Variants in PRKN observed in about 807,000 individuals in gnomAD.
PRKN encodes E3 ubiquitin-protein ligase parkin.
A neutral mutation model predicts 59.5 loss-of-function variants in PRKN; 56 were observed. The observed-to-expected ratio is 0.94, with a 90% CI of 0.76 to 1.18. The LOEUF (loss-of-function observed/expected upper bound fraction) is 1.18, where lower values mean the gene tolerates loss of function less well. Among genes scored for constraint, PRKN ranks in the 50% most tolerant of loss-of-function variants. The pLI, the probability that PRKN is intolerant of heterozygous loss-of-function variation, is 0.00. For missense variants in PRKN, 657 were observed against 596.4 expected (o/e 1.10, Z -1.06); for synonymous variants, 250 against 222.1 (o/e 1.13, Z -1.12).
chr6:162,674,955 G>A (rs1779478481), intron 1 of PRKN, among the ~76,000 whole-genome samples: 1 of 152,166 alleles, frequency 6.6e-6, no homozygotes. Flanking sequence ...TATGGCTAGG[G>A]CAGTGACAAA....
At chr6:161,846,363 T>C (rs972994650) in intron 6 of PRKN, among the ~76,000 whole-genome samples, 2 of 152,188 alleles carry the variant, frequency 1.3e-5, no homozygotes, top group African/African-American at 4.8e-5. Flanking sequence ...TAATAGGCTA[T>C]TTTACATAGA....
intron 4 of PRKN, among the ~76,000 whole-genome samples, chr6:162,082,372 T>C (rs548683030): frequency 1.3e-5 from 2 of 152,146 alleles, no homozygotes; most frequent in South Asian, 4.2e-4. Context: ...TAGTCTCAGG[T>C]ATATCTTTAT....
rs147233694 is a variant in PRKN at position 162,132,411 on chromosome 6, T to C, written c.534+68720A>G. On this transcript the variant is annotated intron_variant, in intron 4 of 11. Coordinates refer to ENST00000366898, the MANE Select transcript of PRKN (RefSeq NM_004562.3). ...AGAGGCAGCAAGGCACACAATAGAA[T>C]ACTCTGCATTCAGAGTCTCCTCCTA... Among the ~76,000 whole-genome samples the C allele has an allele frequency of 3.9e-3, 587 of 152,248 alleles. 5 individuals carry two copies. Among genetic ancestry groups the C allele is most frequent in the African/African-American group, 0.013 (560 of 41,544 alleles).
chr6:161,577,715 T>C (rs1246786416), intron 7 of PRKN, among the ~76,000 whole-genome samples: 1 of 152,216 alleles, frequency 6.6e-6, no homozygotes, highest in African/African-American at 2.4e-5. Flanking sequence ...ATAGCTGTGA[T>C]TTCATAATTT....
chr6:161,456,292 A>T lies in PRKN; in HGVS notation c.1084-69415T>A, dbSNP rs2115143594. Among the ~76,000 whole-genome samples, 1 of 152,308 alleles carries T rather than the reference A, an allele frequency of 6.6e-6. No individual in the cohort carries two copies. The highest frequency in any genetic ancestry group is 2.4e-5 in the African/African-American group (1 of 41,580). On this transcript the variant is annotated intron_variant, in intron 9 of 11. Transcript: ENST00000366898. The surrounding 1 kb of genome is among the most constrained non-coding windows in gnomAD (Gnocchi z 4.8). ...GGGTGTGGAAGGCCTAGACTGGCTG[A>T]GTCTTCCGGCTTTCAAATTTCTCTC... is the stretch of plus-strand genomic sequence containing the variant.
chr6:161,510,393 G>A (rs1002259079), intron 9 of PRKN, among the ~76,000 whole-genome samples: 3 of 152,240 alleles, frequency 2.0e-5, no homozygotes, highest in East Asian at 1.9e-4. Context: ...AAGTGTGACT[G>A]TCCCTGAGGT....
At position 162,322,478 on chromosome 6, in the gene PRKN, C is replaced by A. The variant is rs187642568; in HGVS notation, c.172-59713G>T. 1.9e-3 allele frequency among the ~76,000 whole-genome samples: 296 copies of A among 152,128 alleles called. 3 individuals carry two copies. Among genetic ancestry groups the A allele is most frequent in the Admixed American group, 3.0e-3 (46 of 15,276 alleles). Reference sequence around the variant, plus strand: ...GACAATGCAGAGAACCTGAAACAGGCAAAAACATTTTGAAAATGTAGTACA... The same window carrying A: ...GACAATGCAGAGAACCTGAAACAGGAAAAAACATTTTGAAAATGTAGTACA... On this transcript the variant is annotated intron_variant, in intron 2 of 11. Transcript: ENST00000366898.
At chr6:162,321,764 C>A (rs1783034052) in intron 2 of PRKN, among the ~76,000 whole-genome samples, 1 of 151,860 alleles carries the variant, frequency 6.6e-6, no homozygotes, top group South Asian at 2.1e-4. Context: ...ATATAATACT[C>A]TCATAAGGTT....
chr6:161,531,302 A>C (rs1028654774), intron 9 of PRKN, among the ~76,000 whole-genome samples: 2 of 150,302 alleles, frequency 1.3e-5, no homozygotes, highest in African/African-American at 4.9e-5. Flanking sequence ...AATGGCGTGA[A>C]CCCGGGAGGC....
At chr6:162,339,156 T>C (rs1784010217) in intron 2 of PRKN, among the ~76,000 whole-genome samples, 1 of 142,492 alleles carries the variant, frequency 7.0e-6, no homozygotes, top group Middle Eastern at 4.4e-3. Flanking sequence ...GTCTGAGAAG[T>C]GAGGAGCCTC....
At chr6:162,076,237 G>C (rs1778822643) in intron 4 of PRKN, among the ~76,000 whole-genome samples, 1 of 152,074 alleles carries the variant, frequency 6.6e-6, no homozygotes, top group Non-Finnish European at 1.5e-5. Context: ...CCAAAGTGCT[G>C]GGATTACAGG....
At position 162,006,304 on chromosome 6, in the gene PRKN, C is replaced by A. The variant is rs546565287; in HGVS notation, c.619-32887G>T. Among the ~76,000 whole-genome samples the A allele has an allele frequency of 5.9e-5, 9 of 152,266 alleles. No homozygotes were observed. The South Asian group carries it at 1.9e-3, about 32-fold the overall frequency. ...AACACTGAATGGAAAAATTCTCACA[C>A]CACTAATTGATGCTTTTGCCCCATA... On this transcript the variant is annotated intron_variant, in intron 5 of 11. Coordinates refer to ENST00000366898, the MANE Select transcript of PRKN (RefSeq NM_004562.3).
rs1392530806 is a variant in PRKN at position 162,070,549 on chromosome 6, C to T, written c.535-16375G>A. ...CAGTGGGCTGGTGTTCTTAGTTCTTCTTAACAAGGGGGTGCCCTAGAGCAG... is the reference window on the plus strand; with the variant it reads ...CAGTGGGCTGGTGTTCTTAGTTCTTTTTAACAAGGGGGTGCCCTAGAGCAG... On this transcript the variant is annotated intron_variant, in intron 4 of 11. Coordinates refer to ENST00000366898, the MANE Select transcript of PRKN (RefSeq NM_004562.3). Among the ~76,000 whole-genome samples, 11 of 152,064 alleles carry T rather than the reference C, an allele frequency of 7.2e-5. 1 individual carries two copies. The highest frequency in any genetic ancestry group is 1.3e-4 in the Non-Finnish European group (9 of 68,006).
chr6:161,439,636 T>C (rs1422988677), intron 9 of PRKN, among the ~76,000 whole-genome samples: 1 of 152,180 alleles, frequency 6.6e-6, no homozygotes, highest in Non-Finnish European at 1.5e-5. Context: ...CGATTCCATC[T>C]ACACTGAACT....
chr6:162,011,608 A>T (rs1391399827), intron 5 of PRKN, among the ~76,000 whole-genome samples: 1 of 144,726 alleles, frequency 6.9e-6, no homozygotes, highest in African/African-American at 2.6e-5. Flanking sequence ...TGCTATGAAT[A>T]ATTGACAGAT....
At chr6:161,583,267 G>A (rs1022205029) in intron 7 of PRKN, among the ~76,000 whole-genome samples, 6 of 151,908 alleles carry the variant, frequency 3.9e-5, no homozygotes, top group Non-Finnish European at 5.9e-5. Flanking sequence ...ATAATATATC[G>A]ACTAGGTAGC....
chr6:161,778,525 C>A (rs186634311), intron 7 of PRKN, among the ~76,000 whole-genome samples: 2 of 152,134 alleles, frequency 1.3e-5, no homozygotes, highest in East Asian at 1.9e-4. Context: ...GTAGTCCCCA[C>A]GGGGGCTCAA....
At chr6:162,517,343 G>T (rs1342848301) in intron 1 of PRKN, among the ~76,000 whole-genome samples, 2 of 151,258 alleles carry the variant, frequency 1.3e-5, no homozygotes, top group Non-Finnish European at 2.9e-5. Flanking sequence ...TGTCTCCCGG[G>T]TTCAAGCCAT....
At chr6:162,660,774 A>G (rs1778847234) in intron 1 of PRKN, among the ~76,000 whole-genome samples, 1 of 152,164 alleles carries the variant, frequency 6.6e-6, no homozygotes, top group Non-Finnish European at 1.5e-5. Context: ...CATTGATCTT[A>G]AAACCGTCAG....
Sources: gnomAD v4.1 joint callset for allele counts (sites outside exome capture counted in the v4.1 genomes callset) on GRCh38, gnomAD v4.1.1 for gene constraint, Gnocchi (gnomAD v3.1) non-coding constraint, MANE v1.5 for transcripts, NCBI Gene and HGNC (gene_info 2026-07-23, HGNC 2026-07-21) for gene names.